The following FOXO3 variants were observed in gnomAD, a reference collection of about 807,000 sequenced individuals.
The protein encoded by FOXO3 is forkhead box O3, also known as forkhead box protein O3.
A neutral mutation model predicts 41.9 loss-of-function variants in FOXO3; 4 were observed. That is an observed-to-expected ratio of 0.10 (90% CI 0.05 to 0.22). FOXO3 has a LOEUF of 0.22. Ranked by LOEUF, FOXO3 falls within the 10% of genes least tolerant of loss-of-function variation. The pLI, the probability that FOXO3 is intolerant of heterozygous loss-of-function variation, is 1.00. For synonymous variants in FOXO3, 318 were observed against 389.3 expected (o/e 0.82, Z 2.16); for missense variants, 534 against 906.8 (o/e 0.59, Z 5.28).
At chr6:108,560,811 G>C, upstream of FOXO3, 11 of 302,446 alleles carry the variant, frequency 3.6e-5, no homozygotes, top group African/African-American at 6.8e-5. Flanking sequence ...TCCCCGCCCC[G>C]CCGCCTAGCC....
At chr6:108,607,301 T>C (rs974493409) in intron 1 of FOXO3, among the ~76,000 whole-genome samples, 2 of 152,132 alleles carry the variant, frequency 1.3e-5, no homozygotes, top group Middle Eastern at 3.4e-3. Flanking sequence ...AAACAAAAAT[T>C]AGCTGGGTGT....
intron 1 of FOXO3, among the ~76,000 whole-genome samples, chr6:108,564,044 A>G (rs1775886364): frequency 1.3e-5 from 2 of 152,136 alleles, no homozygotes; most frequent in Non-Finnish European, 1.5e-5. Flanking sequence ...TCAAGGCTTA[A>G]TATGCTTAAT....
Position 108,663,872 on chromosome 6 carries a change from C to G in FOXO3, c.1039C>G (p.Leu347Val). ...QDDDAPLSPM[L>V]YSSSASLSPS... Reference sequence around the variant, plus strand: ...CGATGATGCGCCTCTCTCGCCCATGCTCTACAGCAGCTCAGCCAGCCTGTC... The same window carrying G: ...CGATGATGCGCCTCTCTCGCCCATGGTCTACAGCAGCTCAGCCAGCCTGTC... The change falls in exon 2 of 3, where the codon CTC becomes GTC. Residue 347 changes from leucine to valine, a missense_variant. Physicochemically the swap from Leu to Val is conservative, Grantham distance 32. This residue lies in a region of FOXO3 where 185 missense variants were observed against 224.9 expected (regional missense o/e 0.82). Transcript: ENST00000406360. 1 of 1,614,188 alleles carries G rather than the reference C, an allele frequency of 6.2e-7. No individual in the cohort carries two copies. Among genetic ancestry groups the G allele is most frequent in the Non-Finnish European group, 8.5e-7 (1 of 1,179,990 alleles).
chr6:108,560,642 G>C (rs1433992586), upstream of FOXO3, among the ~76,000 whole-genome samples: 8 of 152,150 alleles, frequency 5.3e-5, 1 homozygote, highest in African/African-American at 1.9e-4. Context: ...AGACTTGAGC[G>C]GCGGCGCCGC....
At chr6:108,674,355 C>A (rs990970133) in intron 2 of FOXO3, among the ~76,000 whole-genome samples, 2 of 152,194 alleles carry the variant, frequency 1.3e-5, no homozygotes, top group African/African-American at 2.4e-5. Context: ...TTTCAACTTA[C>A]CAGGTTCCTT....
intron 2 of FOXO3, among the ~76,000 whole-genome samples, chr6:108,671,301 T>G (rs913441917): frequency 6.6e-6 from 1 of 152,216 alleles, no homozygotes; most frequent in Admixed American, 6.5e-5. Flanking sequence ...CTAGAGCTGG[T>G]GAGTTCATCA....
intron 1 of FOXO3, among the ~76,000 whole-genome samples, chr6:108,564,195 T>TGC (rs1342852663): frequency 6.6e-6 from 1 of 152,262 alleles, no homozygotes; most frequent in Non-Finnish European, 1.5e-5. Flanking sequence ...CATCAAAAGA[T>TGC]GCAGCCATGC....
At chr6:108,598,070 C>G (rs1776937992) in intron 1 of FOXO3, among the ~76,000 whole-genome samples, 1 of 152,266 alleles carries the variant, frequency 6.6e-6, no homozygotes, top group South Asian at 2.1e-4. Context: ...CAAAATTCCT[C>G]TCACGGAGTT....
chr6:108,648,518 C>G (rs1778456071), intron 1 of FOXO3, among the ~76,000 whole-genome samples: 1 of 152,154 alleles, frequency 6.6e-6, no homozygotes, highest in Non-Finnish European at 1.5e-5. Context: ...TCAGAGCATT[C>G]AGAGTGCTGG....
At chr6:108,600,373 C>T (rs1348133283) in intron 1 of FOXO3, among the ~76,000 whole-genome samples, 1 of 151,682 alleles carries the variant, frequency 6.6e-6, no homozygotes, top group Non-Finnish European at 1.5e-5. Flanking sequence ...TGGTGAAACC[C>T]CACCTCTACT....
intron 1 of FOXO3, among the ~76,000 whole-genome samples, chr6:108,648,037 T>G (rs574976479): frequency 6.6e-6 from 1 of 152,276 alleles, no homozygotes; most frequent in East Asian, 1.9e-4. Context: ...GTGTCTACAT[T>G]CACGACACTT....
At chr6:108,635,331 G>A (rs1051664055) in intron 1 of FOXO3, among the ~76,000 whole-genome samples, 1 of 151,968 alleles carries the variant, frequency 6.6e-6, no homozygotes, top group East Asian at 1.9e-4. Context: ...ACTAGCTTTG[G>A]GATAGTGGTC....
At chr6:108,618,272 T>G in intron 1 of FOXO3, 1 of 746,976 alleles carries the variant, frequency 1.3e-6, no homozygotes, top group Non-Finnish European at 2.5e-6. Context: ...TTCCTGGGGC[T>G]TTTTGTCAGC....
intron 1 of FOXO3, among the ~76,000 whole-genome samples, chr6:108,597,251 C>T (rs1437292220): frequency 6.6e-6 from 1 of 152,088 alleles, no homozygotes; most frequent in Admixed American, 6.5e-5. Flanking sequence ...TAAGAGTGTC[C>T]CCTTGAGCCA....
intron 1 of FOXO3, among the ~76,000 whole-genome samples, chr6:108,590,846 C>T (rs1414993774): frequency 1.3e-5 from 2 of 152,142 alleles, no homozygotes; most frequent in African/African-American, 2.4e-5. Flanking sequence ...GGGATTGTGG[C>T]GCTTTTTTGA....
At position 108,664,221 on chromosome 6, in the gene FOXO3, C is replaced by T. The variant is rs539921845; in HGVS notation, c.1388C>T (p.Ser463Leu). 6.2e-7 allele frequency: 1 copy of T among 1,610,110 alleles called. No homozygotes were observed. Among genetic ancestry groups the T allele is most frequent in the East Asian group, 2.2e-5 (1 of 44,818 alleles). Residue 463 changes from serine to leucine, a missense_variant, in exon 2 of 3, where the codon TCA becomes TTA. This residue lies in a region of FOXO3 where 16 missense variants were observed against 46.1 expected (regional missense o/e 0.35). Coordinates refer to ENST00000406360, the MANE Select transcript of FOXO3 (RefSeq NM_001455.4). Reference sequence around the variant, plus strand: ...AAGCCAGCTACCTTCTCTTCCATGTCACACTATGGTAACCAGACACTCCAG... The same window carrying T: ...AAGCCAGCTACCTTCTCTTCCATGTTACACTATGGTAACCAGACACTCCAG... ...ENKPATFSSM[S>L]HYGNQTLQDL...
chr6:108,672,437 C>G (rs1194547923), intron 2 of FOXO3, among the ~76,000 whole-genome samples: 3 of 152,200 alleles, frequency 2.0e-5, no homozygotes, highest in Non-Finnish European at 4.4e-5. Context: ...AGGCCAGGGA[C>G]TAAAATACAT....
chr6:108,639,427 C>A, intron 1 of FOXO3: 1 of 400,620 alleles, frequency 2.5e-6, no homozygotes, highest in Non-Finnish European at 3.4e-6. Context: ...TTGTTGGTCA[C>A]AAATACATTG....
intron 1 of FOXO3, among the ~76,000 whole-genome samples, chr6:108,615,507 T>G (rs1259814332): frequency 6.6e-6 from 1 of 150,620 alleles, no homozygotes; most frequent in African/African-American, 2.4e-5. Flanking sequence ...TTTTAAGTAT[T>G]TTTTTTTTGT....
Sources: gnomAD v4.1 joint callset for allele counts (sites outside exome capture counted in the v4.1 genomes callset) on GRCh38, gnomAD v4.1.1 for gene constraint, gnomAD v4.1.1 regional missense constraint, MANE v1.5 for transcripts, NCBI Gene and HGNC (gene_info 2026-07-23, HGNC 2026-07-21) for gene names.